The following PLD5 variants were observed in gnomAD, a reference collection of about 807,000 sequenced individuals.
The protein encoded by PLD5 is phospholipase D family member 5.
PLD5 carries 36 observed loss-of-function variants against 61.1 expected under a neutral mutation model. The observed-to-expected ratio is 0.59, with a 90% CI of 0.45 to 0.78. The LOEUF (loss-of-function observed/expected upper bound fraction) is 0.78. Ranked by LOEUF, PLD5 falls within the 30% of genes least tolerant of loss-of-function variation. The pLI, the probability that PLD5 is intolerant of heterozygous loss-of-function variation, is 0.00. For missense variants in PLD5, 515 were observed against 644.4 expected, an observed-to-expected ratio of 0.80 and a Z score of 2.17; for synonymous variants, 243 against 242.8, an observed-to-expected ratio of 1.00 and a Z score of -0.01.
At chr1:242,377,089 C>T in intron 1 of PLD5, 1 of 1,611,736 alleles carries the variant, frequency 6.2e-7, no homozygotes, top group Non-Finnish European at 8.5e-7. Flanking sequence ...GGTTTGTTCT[C>T]CTGTTGGTTA....
chr1:242,393,758 GAGTATATA>G (rs1171778746), intron 1 of PLD5, among the ~76,000 whole-genome samples: 1 of 145,730 alleles, frequency 6.9e-6, no homozygotes, highest in Non-Finnish European at 1.5e-5. Flanking sequence ...GTGTGTATAT[GAGTATATA>G]AGTATTTTTA....
At chr1:242,397,763 C>T (rs1195931835) in intron 1 of PLD5, among the ~76,000 whole-genome samples, 4 of 145,706 alleles carry the variant, frequency 2.7e-5, no homozygotes, top group Admixed American at 1.5e-4. Context: ...CTTCTTAGCA[C>T]GTCTTTTTCT....
chr1:242,481,273 C>T (rs562784125), intron 1 of PLD5, among the ~76,000 whole-genome samples: 185 of 152,298 alleles, frequency 1.2e-3, no homozygotes, highest in Non-Finnish European at 2.3e-3. Context: ...TCACCTCACC[C>T]GGGAAGTGCA....
At chr1:242,508,433 C>T (rs1320360805) in intron 1 of PLD5, among the ~76,000 whole-genome samples, 1 of 152,092 alleles carries the variant, frequency 6.6e-6, no homozygotes, top group Non-Finnish European at 1.5e-5. Context: ...TCATTTCCAA[C>T]TCCTAATCAG....
At chr1:242,381,966 T>G (rs1329571215) in intron 1 of PLD5, among the ~76,000 whole-genome samples, 1 of 151,918 alleles carries the variant, frequency 6.6e-6, no homozygotes, top group Non-Finnish European at 1.5e-5. Context: ...GACAAACGAC[T>G]TAAGAGATAA....
intron 2 of PLD5, among the ~76,000 whole-genome samples, chr1:242,322,037 G>A (rs1226990143): frequency 6.6e-6 from 1 of 152,146 alleles, no homozygotes; most frequent in African/African-American, 2.4e-5. Flanking sequence ...CACAACAAAT[G>A]TCAACATTAC....
chr1:242,509,950 G>A (rs576081463), intron 1 of PLD5, among the ~76,000 whole-genome samples: 34 of 152,066 alleles, frequency 2.2e-4, no homozygotes, highest in Non-Finnish European at 4.3e-4. Context: ...CTCCTGAAAC[G>A]CCCCACCCAA....
chr1:242,261,879 G>A (rs1179132020), intron 4 of PLD5, among the ~76,000 whole-genome samples: 1 of 152,232 alleles, frequency 6.6e-6, no homozygotes, highest in African/African-American at 2.4e-5. Flanking sequence ...GTTTGTGAGA[G>A]TGTGAATTAG....
intron 2 of PLD5, among the ~76,000 whole-genome samples, chr1:242,322,806 C>A (rs1658505525): frequency 6.6e-6 from 1 of 152,230 alleles, no homozygotes; most frequent in Non-Finnish European, 1.5e-5. Context: ...CCCAGCCATG[C>A]AGAACTGTGA....
At chr1:242,321,479 T>C (rs534045272) in intron 2 of PLD5, among the ~76,000 whole-genome samples, 3 of 152,092 alleles carry the variant, frequency 2.0e-5, no homozygotes, top group Non-Finnish European at 4.4e-5. Flanking sequence ...AATTTTTGTA[T>C]ATTTTAGTAG....
At chr1:242,485,483 C>G (rs556116620) in intron 1 of PLD5, among the ~76,000 whole-genome samples, 3 of 152,208 alleles carry the variant, frequency 2.0e-5, no homozygotes, top group African/African-American at 7.2e-5. Context: ...AAGAGAATAA[C>G]ATACCTAGGA....
At chr1:242,148,000 C>T (rs1484645416) in intron 5 of PLD5, among the ~76,000 whole-genome samples, 1 of 151,986 alleles carries the variant, frequency 6.6e-6, no homozygotes, top group Non-Finnish European at 1.5e-5. Flanking sequence ...CAATTTATTC[C>T]AACAAACAGT....
intron 5 of PLD5, among the ~76,000 whole-genome samples, chr1:242,170,467 T>C (rs762705688): frequency 6.6e-6 from 1 of 151,994 alleles, no homozygotes; most frequent in Non-Finnish European, 1.5e-5. Flanking sequence ...AGTGCAAAAA[T>C]ACTAAGTATT....
intron 4 of PLD5, among the ~76,000 whole-genome samples, chr1:242,236,380 A>T (rs1410463674): frequency 6.6e-6 from 1 of 152,234 alleles, no homozygotes; most frequent in Non-Finnish European, 1.5e-5. Flanking sequence ...CTATCCTGAA[A>T]AACAGACAGA....
At chr1:242,358,240 CCTTT>C (rs1332680408) in intron 1 of PLD5, among the ~76,000 whole-genome samples, 3 of 151,788 alleles carry the variant, frequency 2.0e-5, no homozygotes, top group Non-Finnish European at 4.4e-5. Context: ...CATAAATTTC[CCTTT>C]CTTTAGTGTC....
At chr1:242,214,248 C>G (rs1670003496) in intron 5 of PLD5, among the ~76,000 whole-genome samples, 1 of 152,198 alleles carries the variant, frequency 6.6e-6, no homozygotes, top group Non-Finnish European at 1.5e-5. Flanking sequence ...TTCCATCACT[C>G]TATCTGGGCT....
intron 2 of PLD5, among the ~76,000 whole-genome samples, chr1:242,333,258 T>C (rs1659299249): frequency 6.6e-6 from 1 of 152,174 alleles, no homozygotes. Context: ...CTATTTAATG[T>C]ACAGAAACAA....
intron 5 of PLD5, among the ~76,000 whole-genome samples, chr1:242,138,320 T>TA (rs1663900543): frequency 6.6e-6 from 1 of 151,882 alleles, no homozygotes; most frequent in African/African-American, 2.4e-5. Flanking sequence ...GAAAGGAGAT[T>TA]AAAAAAACAA....
chr1:242,289,713 C>A (rs1442958799), intron 2 of PLD5, among the ~76,000 whole-genome samples: 1 of 152,118 alleles, frequency 6.6e-6, no homozygotes, highest in African/African-American at 2.4e-5. Context: ...TAGGTGCTTC[C>A]AGAACACCGA....
Sources: allele counts gnomAD v4.1 joint callset (sites outside exome capture counted in the v4.1 genomes callset), GRCh38; gene constraint gnomAD v4.1.1; transcripts MANE v1.5; gene names NCBI Gene and HGNC (gene_info 2026-07-23, HGNC 2026-07-21).